Variants in DNER observed in about 807,000 individuals in gnomAD.
DNER encodes the protein delta and Notch-like epidermal growth factor-related receptor.
A neutral mutation model predicts 78.2 loss-of-function variants in DNER; 33 were observed. The ratio of observed to expected loss-of-function variants is 0.42; its 90% CI spans 0.32 to 0.56. DNER has a LOEUF of 0.56. Ranked by LOEUF, DNER falls within the 20% of genes least tolerant of loss-of-function variation. The pLI is 0.11. For synonymous variants in DNER, 417 were observed against 384.8 expected, an observed-to-expected ratio of 1.08 and a Z score of -0.98; for missense variants, 918 against 975.3, an observed-to-expected ratio of 0.94 and a Z score of 0.78.
chr2:229,388,482 T>A (rs1029093836), intron 10 of DNER, 86 bp from the exon 11 acceptor site: 13 of 1,478,086 alleles, frequency 8.8e-6, no homozygotes, highest in Middle Eastern at 2.6e-4. Context: ...GATCCAAGGC[T>A]AGGGGTCATA....
chr2:229,392,147 C>A (rs1393133966), intron 10 of DNER, among the ~76,000 whole-genome samples: 2 of 151,910 alleles, frequency 1.3e-5, no homozygotes, highest in African/African-American at 4.8e-5. Context: ...TCATATACTT[C>A]ACTAAGAGTT....
chr2:229,645,511 C>A (rs902563816), intron 1 of DNER, among the ~76,000 whole-genome samples: 1 of 152,198 alleles, frequency 6.6e-6, no homozygotes, highest in Non-Finnish European at 1.5e-5. Flanking sequence ...AACTGAGTTG[C>A]ACGTTCTTTT....
At chr2:229,505,219 T>TGTGTGTG (rs56268741) in intron 6 of DNER, among the ~76,000 whole-genome samples, 57 of 149,350 alleles carry the variant, frequency 3.8e-4, no homozygotes, top group Middle Eastern at 3.4e-3. Flanking sequence ...TGTGTGTGTG[T>TGTGTGTG]TGGCTACAAT....
chr2:229,454,615 TA>T (rs1480095892), intron 7 of DNER, among the ~76,000 whole-genome samples: 2 of 151,950 alleles, frequency 1.3e-5, no homozygotes, highest in Admixed American at 6.5e-5. Context: ...TTTGGCATAT[TA>T]TCCAGTCTAA....
At chr2:229,689,739 T>A (rs1485080953) in intron 1 of DNER, among the ~76,000 whole-genome samples, 1 of 152,302 alleles carries the variant, frequency 6.6e-6, no homozygotes, top group South Asian at 2.1e-4. Flanking sequence ...CCCACCATTA[T>A]GATAATCATA....
At chr2:229,378,833 C>T (rs1218146577) in intron 11 of DNER, among the ~76,000 whole-genome samples, 5 of 152,156 alleles carry the variant, frequency 3.3e-5, no homozygotes, top group Non-Finnish European at 2.9e-5. Context: ...TGTGTGCACT[C>T]TGGATCCTCA....
chr2:229,707,438 G>A (rs1017147682), intron 1 of DNER, among the ~76,000 whole-genome samples: 7 of 152,094 alleles, frequency 4.6e-5, no homozygotes, highest in Admixed American at 6.6e-5. Context: ...GAACAGACCT[G>A]GCACAAGGGA....
At chr2:229,652,438 T>C (rs1698836210) in intron 1 of DNER, among the ~76,000 whole-genome samples, 1 of 152,184 alleles carries the variant, frequency 6.6e-6, no homozygotes, top group Admixed American at 6.5e-5. Flanking sequence ...CAGAGCATCA[T>C]AGAAAGGACA....
intron 8 of DNER, among the ~76,000 whole-genome samples, chr2:229,437,194 G>A (rs1171644243): frequency 6.6e-6 from 1 of 152,206 alleles, no homozygotes; most frequent in Non-Finnish European, 1.5e-5. Flanking sequence ...AAAGAAGCAC[G>A]TGAGTGAGAT....
chr2:229,553,930 G>A (rs984359969), intron 4 of DNER, among the ~76,000 whole-genome samples: 1 of 152,102 alleles, frequency 6.6e-6, no homozygotes, highest in Non-Finnish European at 1.5e-5. Context: ...AATGAACAAC[G>A]TACAATCAAC....
At chr2:229,609,787 T>C (rs978859482) in intron 1 of DNER, among the ~76,000 whole-genome samples, 4 of 152,214 alleles carry the variant, frequency 2.6e-5, no homozygotes, top group African/African-American at 4.8e-5. Context: ...CTTCTGTGGA[T>C]TGTACATTCT....
intron 5 of DNER, among the ~76,000 whole-genome samples, chr2:229,526,914 G>A (rs1428039670): frequency 1.3e-5 from 2 of 152,134 alleles, no homozygotes; most frequent in Admixed American, 6.6e-5. Context: ...ATTAAGTGAC[G>A]TCCTCATTCA....
chr2:229,445,884 G>A (rs1694331321), intron 8 of DNER, among the ~76,000 whole-genome samples: 1 of 152,258 alleles, frequency 6.6e-6, no homozygotes, highest in Non-Finnish European at 1.5e-5. Flanking sequence ...AGAGAGGAAA[G>A]AGGCACTTGG....
intron 4 of DNER, among the ~76,000 whole-genome samples, chr2:229,575,163 T>A (rs74517291): frequency 1.3e-3 from 194 of 152,278 alleles, no homozygotes; most frequent in African/African-American, 4.5e-3. Flanking sequence ...TTATTTTTTT[T>A]AAATAGAGTG....
intron 6 of DNER, among the ~76,000 whole-genome samples, chr2:229,492,407 C>T (rs1352082877): frequency 1.3e-5 from 2 of 152,168 alleles, no homozygotes; most frequent in Admixed American, 1.3e-4. Context: ...GCAATACATT[C>T]ATAGACCATT....
At chr2:229,673,391 G>A (rs745906230) in intron 1 of DNER, among the ~76,000 whole-genome samples, 1 of 152,194 alleles carries the variant, frequency 6.6e-6, no homozygotes, top group South Asian at 2.1e-4. Flanking sequence ...TGAAACCAAC[G>A]TGGCCCCTTC....
At chr2:229,613,147 G>A (rs1305425893) in intron 1 of DNER, among the ~76,000 whole-genome samples, 4 of 152,076 alleles carry the variant, frequency 2.6e-5, no homozygotes, top group East Asian at 1.9e-4. Context: ...ATCTAATTTC[G>A]CTGAATAGAA....
intron 1 of DNER, among the ~76,000 whole-genome samples, chr2:229,652,048 CA>C (rs1698828644): frequency 6.6e-6 from 1 of 151,774 alleles, no homozygotes; most frequent in African/African-American, 2.4e-5. Flanking sequence ...TGTAGCATTT[CA>C]AAAAAAGGAA....
chr2:229,585,659 T>TC (rs111966248), intron 4 of DNER, among the ~76,000 whole-genome samples, 199 bp downstream of exon 4: 2,900 of 135,258 alleles, frequency 0.021, 66 homozygotes, highest in Middle Eastern at 0.07. Flanking sequence ...GACTCCATCA[T>TC]CAAAAAAAAA....
Sources: allele counts gnomAD v4.1 joint callset (sites outside exome capture counted in the v4.1 genomes callset), GRCh38; gene constraint gnomAD v4.1.1; transcripts MANE v1.5; gene names NCBI Gene and HGNC (gene_info 2026-07-23, HGNC 2026-07-21).